Variants in ADARB2 observed in about 807,000 individuals in gnomAD.
ADARB2 encodes adenosine deaminase RNA specific B2 (inactive).
ADARB2 carries 25 observed loss-of-function variants against 62.2 expected under a neutral mutation model. The ratio of observed to expected loss-of-function variants is 0.40; its 90% confidence interval spans 0.29 to 0.56. ADARB2 has a LOEUF of 0.56. Ranked by LOEUF, ADARB2 falls within the 20% of genes least tolerant of loss-of-function variation. The probability of loss-of-function intolerance (pLI) is 0.43; values close to 1 mark genes in which losing one functional copy is unlikely to be tolerated. For synonymous variants in ADARB2, 572 were observed against 500.8 expected, an observed-to-expected ratio of 1.14 and a Z score of -1.90; for missense variants, 1,071 against 1,077.4, an observed-to-expected ratio of 0.99 and a Z score of 0.08.
chr10:1,711,231 A>G (rs992863554), intron 1 of ADARB2, among the ~76,000 whole-genome samples: 1 of 152,172 alleles, frequency 6.6e-6, no homozygotes, highest in African/African-American at 2.4e-5. Context: ...CACTTAAAAC[A>G]TGAGAAGCTG....
At chr10:1,330,518 A>G (rs1007558264) in intron 3 of ADARB2, among the ~76,000 whole-genome samples, 2 of 152,238 alleles carry the variant, frequency 1.3e-5, no homozygotes, top group Non-Finnish European at 2.9e-5. Context: ...AGTCAACACC[A>G]TGTGAAATGG....
At chr10:1,270,558 G>T (rs1831251371) in intron 4 of ADARB2, among the ~76,000 whole-genome samples, 1 of 150,922 alleles carries the variant, frequency 6.6e-6, no homozygotes, top group South Asian at 2.1e-4. Context: ...TCGCGGCTGG[G>T]TCACCCTTGT....
At chr10:1,487,297 A>G (rs1023356767) in intron 1 of ADARB2, among the ~76,000 whole-genome samples, 6 of 152,284 alleles carry the variant, frequency 3.9e-5, no homozygotes, top group Admixed American at 3.9e-4. Flanking sequence ...TGAGCTCTTC[A>G]GTTGCAAGTT....
chr10:1,730,440 G>A (rs1769455089), intron 1 of ADARB2, among the ~76,000 whole-genome samples: 1 of 152,280 alleles, frequency 6.6e-6, no homozygotes, highest in South Asian at 2.1e-4. Flanking sequence ...ATTTGCATCA[G>A]AACTGAATTA....
rs539898773 is a variant in ADARB2, at chr10:1,523,099, C to T, written c.101-143939G>A. Among the ~76,000 whole-genome samples the T allele has an allele frequency of 7.9e-5, 12 of 152,284 alleles. No homozygotes were observed. In the South Asian group the frequency reaches 2.3e-3, roughly 29 times the overall value. On this transcript the variant is annotated intron_variant, in intron 1 of 9. Coordinates refer to ENST00000381312, the MANE Select transcript of ADARB2 (RefSeq NM_018702.4). ...ACCGACTCACGTTTCTATAGCAAAT[C>T]GATAACACTATGTGACAAATCCAAA... is the stretch of plus-strand genomic sequence containing the variant.
chr10:1,356,186 T>G (rs1182710044), intron 3 of ADARB2, among the ~76,000 whole-genome samples: 2 of 152,204 alleles, frequency 1.3e-5, no homozygotes, highest in East Asian at 3.8e-4. Context: ...TCTGCAGGAC[T>G]GTTTTTCCTT....
At chr10:1,466,284 C>T (rs778868601) in intron 1 of ADARB2, among the ~76,000 whole-genome samples, 2 of 152,330 alleles carry the variant, frequency 1.3e-5, no homozygotes, top group East Asian at 1.9e-4. Context: ...TCAGGCTCCT[C>T]GTGATAACAG....
chr10:1,195,389 G>GTTTTTTTT (rs377144803), intron 8 of ADARB2, among the ~76,000 whole-genome samples: 4 of 103,676 alleles, frequency 3.9e-5, no homozygotes, highest in Non-Finnish European at 7.4e-5. Context: ...GCTGTACACA[G>GTTTTTTTT]TTTTTTTTTT....
chr10:1,537,727 C>G (rs915987513), intron 1 of ADARB2, among the ~76,000 whole-genome samples: 1 of 152,158 alleles, frequency 6.6e-6, no homozygotes, highest in Non-Finnish European at 1.5e-5. Context: ...AAACCAAACA[C>G]AGCATGTTCT....
intron 1 of ADARB2, among the ~76,000 whole-genome samples, chr10:1,380,376 C>T (rs1006359501): frequency 1.3e-5 from 2 of 152,238 alleles, no homozygotes; most frequent in South Asian, 2.1e-4. Flanking sequence ...TGGATATCCG[C>T]GGACGGGATT....
At chr10:1,315,426 C>T (rs555980044) in intron 3 of ADARB2, among the ~76,000 whole-genome samples, 2 of 152,356 alleles carry the variant, frequency 1.3e-5, no homozygotes, top group South Asian at 4.1e-4. Context: ...TTCCAAGCCT[C>T]CCAGCAAGCC....
intron 2 of ADARB2, among the ~76,000 whole-genome samples, chr10:1,364,710 C>T (rs960173433): frequency 1.3e-5 from 2 of 152,132 alleles, no homozygotes; most frequent in African/African-American, 4.8e-5. Context: ...ATGCGTCATC[C>T]AGAGATGATT....
intron 3 of ADARB2, chr10:1,361,778 C>G (rs1047988854): frequency 1.3e-5 from 2 of 152,228 alleles, no homozygotes; most frequent in East Asian, 3.8e-4. Flanking sequence ...GGCAAAATAA[C>G]AGATTCTGTC....
intron 6 of ADARB2, among the ~76,000 whole-genome samples, chr10:1,225,871 T>A (rs1589157345): frequency 6.6e-6 from 1 of 152,162 alleles, no homozygotes; most frequent in Non-Finnish European, 1.5e-5. Context: ...CTTTGGTGAA[T>A]CTGACAATTA....
intron 2 of ADARB2, among the ~76,000 whole-genome samples, chr10:1,372,819 T>C (rs962067775): frequency 3.7e-4 from 57 of 152,304 alleles, no homozygotes; most frequent in African/African-American, 1.2e-3. Flanking sequence ...ACTCATAGTA[T>C]ATTAGAGCTG....
chr10:1,484,315 T>G (rs992711436), intron 1 of ADARB2, among the ~76,000 whole-genome samples: 5 of 152,244 alleles, frequency 3.3e-5, no homozygotes, highest in African/African-American at 1.2e-4. Flanking sequence ...GCTCGCATGT[T>G]CATCATGCAC....
intron 7 of ADARB2, among the ~76,000 whole-genome samples, chr10:1,201,356 C>T (rs1836982373): frequency 6.8e-6 from 1 of 147,436 alleles, no homozygotes; most frequent in African/African-American, 2.5e-5. Context: ...TTTAGTCCTA[C>T]AATTTAAACA....
At chr10:1,400,255 G>T (rs1031071718) in intron 1 of ADARB2, among the ~76,000 whole-genome samples, 1 of 152,176 alleles carries the variant, frequency 6.6e-6, no homozygotes, top group African/African-American at 2.4e-5. Flanking sequence ...CAATTCCACC[G>T]CAGGGCTGAG....
chr10:1,234,726 G>A (rs1266696036), intron 5 of ADARB2, among the ~76,000 whole-genome samples: 4 of 147,306 alleles, frequency 2.7e-5, no homozygotes, highest in Non-Finnish European at 4.5e-5. Context: ...ACAGGTGCGA[G>A]CGACCATGAT....
Sources: gnomAD v4.1 joint callset for allele counts (sites outside exome capture counted in the v4.1 genomes callset) on GRCh38, gnomAD v4.1.1 for gene constraint, MANE v1.5 for transcripts, NCBI Gene and HGNC (gene_info 2026-07-23, HGNC 2026-07-21) for gene names.